PRSS16: variants seen among roughly 807,000 people sequenced by gnomAD.
The protein encoded by PRSS16 is thymus-specific serine protease.
In PRSS16, 43 loss-of-function variants were observed where a neutral mutation model predicts 61.7. That is an observed-to-expected ratio of 0.70 (90% CI 0.55 to 0.90). The LOEUF (loss-of-function observed/expected upper bound fraction) is 0.90. PRSS16 is among the 40% of genes least tolerant of loss of function. PRSS16 has a pLI of 0.00. For synonymous variants in PRSS16, 273 were observed against 285.2 expected (o/e 0.96, Z 0.43); for missense variants, 591 against 659.1 (o/e 0.90, Z 1.13).
intron 9 of PRSS16, chr6:27,253,427 T>C (rs1332016696): frequency 2.4e-6 from 1 of 416,492 alleles, no homozygotes; most frequent in Non-Finnish European, 4.7e-6. Flanking sequence ...GCCGCTTCTC[T>C]GGTCTCATGG....
Position 27,256,248 on chromosome 6 carries a change from A to G in PRSS16, c.*933A>G, listed in dbSNP as rs1408495761. On this transcript the variant is annotated 3_prime_UTR_variant, in exon 12 of 12. Transcript: ENST00000230582. ...TCACTCACCATCTTTTCCCACAATC[A>G]AATATCACTCCCTGGTACTTCCAGC... 6.5e-6 allele frequency: 1 copy of G among 152,672 alleles called. No homozygotes were observed. Among genetic ancestry groups the G allele is most frequent in the African/African-American group, 2.4e-5 (1 of 41,424 alleles). The allele number at this position is 152,672 out of a possible 1,614,324, so 9.5% of individuals were successfully genotyped here. A position where few individuals can be genotyped will look rare whatever the true frequency, so the allele number is the denominator to read the frequency against.
chr6:27,251,870 A>C lies in PRSS16; in HGVS notation c.838A>C (p.Asn280His), dbSNP rs1388992959. Residue 280 changes from asparagine (N) to histidine (H), a missense_variant, in exon 8 of 12, where the codon AAC becomes CAC. Physicochemically the swap from Asn to His is moderately conservative, Grantham distance 68. Coordinates refer to ENST00000230582, the MANE Select transcript of PRSS16 (RefSeq NM_005865.4). This position sits in a 1 kb window ranked among gnomAD's most constrained non-coding sequence, Gnocchi z 5.6. The part of the protein sequence containing the change: ...SACGPLGRAE[N>H]QAELLGALQA... ...TTGCGGGCCCCTGGGCCGCGCTGAA[A>C]ACCAGGCGGAGCTGTTGGGGGCGCT... is the stretch of plus-strand genomic sequence containing the variant. The C allele has an allele frequency of 6.2e-7, 1 of 1,613,240 alleles. No homozygotes were observed. The highest frequency in any genetic ancestry group is 8.5e-7 in the Non-Finnish European group (1 of 1,179,788).
At position 27,253,163 on chromosome 6, in the gene PRSS16, C is replaced by G. The variant is rs1759955860; in HGVS notation, c.1150+214C>G. ...CCTCACGCACACACTGAGGTCTCCACTTGAGTGATCTTCCCTTCAGCCTAT... is the reference window on the plus strand; with the variant it reads ...CCTCACGCACACACTGAGGTCTCCAGTTGAGTGATCTTCCCTTCAGCCTAT... On this transcript the variant is annotated intron_variant, in intron 9 of 11. Transcript: ENST00000230582. 5.2e-6 allele frequency: 3 copies of G among 578,614 alleles called. No homozygotes were observed. In the South Asian group the frequency reaches 6.3e-5, roughly 12 times the overall value. The allele number at this position is 578,614 out of a possible 1,614,324, so 35.8% of individuals were successfully genotyped here. A position where few individuals can be genotyped will look rare whatever the true frequency, so the allele number is the denominator to read the frequency against.
chr6:27,253,313 T>C, intron 9 of PRSS16: 1 of 335,386 alleles, frequency 3.0e-6, no homozygotes, highest in South Asian at 2.6e-5. Flanking sequence ...TGAGTCCTCC[T>C]CACTCTGCAT....
At position 27,251,279 on chromosome 6, in the gene PRSS16, C is replaced by T. The variant is rs1759885945; in HGVS notation, c.717+15C>T. On this transcript the variant is annotated intron_variant, in intron 7 of 11. Transcript: ENST00000230582. This position sits in a 1 kb window ranked among gnomAD's most constrained non-coding sequence, Gnocchi z 5.6. The stretch of plus-strand genomic sequence containing the variant: ...GGTCCCTGGAGGTAGGAGGTGGGGC[C>T]TAGTCCGAGGGGGACTGGGAGGGAA... 1 of 1,597,156 alleles carries T rather than the reference C, an allele frequency of 6.3e-7. No homozygotes were observed. The highest frequency in any genetic ancestry group is 8.5e-7 in the Non-Finnish European group (1 of 1,171,790).
chr6:27,248,063 CG>C lies in PRSS16; in HGVS notation c.237+19del. The C allele has an allele frequency of 6.2e-7, 1 of 1,609,462 alleles. No individual in the cohort carries two copies. Among genetic ancestry groups the C allele is most frequent in the Non-Finnish European group, 8.5e-7 (1 of 1,178,006 alleles). On this transcript the variant is annotated intron_variant, in intron 2 of 11. Transcript: ENST00000230582. ...CCTTCCTACAGGTGAGGCCGGGAGA[CG>C]GGGAGTCCACTAACCATCCTGCCCT...
intron 9 of PRSS16, chr6:27,253,238 A>G (rs1759957460): frequency 2.3e-6 from 1 of 441,894 alleles, no homozygotes; most frequent in Admixed American, 3.5e-5. Flanking sequence ...CCCATCCACC[A>G]GACTAGAAAC....
At chr6:27,253,302 C>T (rs1759958650) in intron 9 of PRSS16, 1 of 335,968 alleles carries the variant, frequency 3.0e-6, no homozygotes, top group Non-Finnish European at 5.9e-6. Flanking sequence ...CTGTCAATTA[C>T]TGAGTCCTCC....
chr6:27,249,006 T>A, intron 3 of PRSS16, 60 bp downstream of exon 3: 2 of 1,534,080 alleles, frequency 1.3e-6, no homozygotes, highest in African/African-American at 2.7e-5. Flanking sequence ...GAAGGGGAGC[T>A]GCATATTGCA....
intron 4 of PRSS16, among the ~76,000 whole-genome samples, chr6:27,250,253 A>G (rs186077203): frequency 3.9e-5 from 6 of 152,342 alleles, no homozygotes; most frequent in Middle Eastern, 3.4e-3. Flanking sequence ...TGTTAGACAT[A>G]TCCAAACTTC....
chr6:27,254,316 CAT>C, intron 9 of PRSS16: 1 of 183,638 alleles, frequency 5.4e-6, no homozygotes, highest in Non-Finnish European at 1.1e-5. Flanking sequence ...GCAGGGCAGA[CAT>C]AATACAATTT....
chr6:27,250,836 G>A (rs1759869375), intron 5 of PRSS16, 30 bp downstream of exon 5: 1 of 1,588,320 alleles, frequency 6.3e-7, no homozygotes, highest in East Asian at 2.2e-5. Flanking sequence ...TGGGCTGGGG[G>A]GAGGGAACTC....
At chr6:27,250,840 G>A in intron 5 of PRSS16, 34 bp downstream of exon 5, 1 of 1,584,896 alleles carries the variant, frequency 6.3e-7, no homozygotes, top group Non-Finnish European at 8.6e-7. Flanking sequence ...CTGGGGGGAG[G>A]GAACTCGGAC....
intron 4 of PRSS16, among the ~76,000 whole-genome samples, chr6:27,249,849 C>G (rs1759834983): frequency 1.3e-5 from 2 of 152,182 alleles, no homozygotes; most frequent in Non-Finnish European, 2.9e-5. Flanking sequence ...AGCCTTTGAA[C>G]TCATCCCTCT....
At position 27,252,031 on chromosome 6, in the gene PRSS16, G is replaced by A. The variant is rs1759924687; in HGVS notation, c.999G>A (p.Arg333=). The A allele has an allele frequency of 6.5e-7, 1 of 1,536,160 alleles. No homozygotes were observed. The highest frequency in any genetic ancestry group is 8.7e-7 in the Non-Finnish European group (1 of 1,145,260). ...SHSTPYCGLR[R]AVQIVLHSLG... ...CCACGCCCTACTGCGGGCTTCGTCG[G>A]GCGGTGCAGGTGAGCACTCCCTGGC... Residue 333 remains arginine, a synonymous_variant, in exon 8 of 12, where the codon CGG becomes CGA. Transcript: ENST00000230582. This position sits in a 1 kb window ranked among gnomAD's most constrained non-coding sequence, Gnocchi z 4.2.
rs1760013955 is a variant in PRSS16 at position 27,255,613 on chromosome 6, A to G, written c.*298A>G. 6.8e-6 allele frequency: 2 copies of G among 293,602 alleles called. No individual in the cohort carries two copies. Among genetic ancestry groups the G allele is most frequent in the South Asian group, 7.6e-5 (2 of 26,406 alleles). The allele number at this position is 293,602 out of a possible 1,614,324, so 18.2% of individuals were successfully genotyped here. On this transcript the variant is annotated 3_prime_UTR_variant, in exon 12 of 12. Transcript: ENST00000230582. The surrounding 1 kb of genome is among the most constrained non-coding windows in gnomAD (Gnocchi z 4.4). ...CTGGTGCCCTCGCCCTGCTGATCAG[A>G]TTCTGGTTCAAATTCTGCCACTCCA... is the stretch of plus-strand genomic sequence containing the variant.
chr6:27,254,795 T>G lies in PRSS16; in HGVS notation c.1253T>G (p.Val418Gly). 6.2e-7 allele frequency: 1 copy of G among 1,614,186 alleles called. No individual in the cohort carries two copies. The highest frequency in any genetic ancestry group is 1.1e-5 in the South Asian group (1 of 91,086). ...EQVFGLSALS[V>G]AQAVAQTNSY... ...GTGTTTGGGCTCTCAGCCTTGTCAG[T>G]AGCCCAGGCTGTGGCTCAGACGAAC... The change falls in exon 10 of 12, where the codon GTA (valine) becomes GGA (glycine). Residue 418 changes from valine to glycine, a missense_variant. Val to Gly is a moderately radical substitution (Grantham distance 109, BLOSUM62 -3). Coordinates refer to ENST00000230582, the MANE Select transcript of PRSS16 (RefSeq NM_005865.4).
chr6:27,250,473 C>G (rs1285618922), intron 4 of PRSS16, among the ~76,000 whole-genome samples: 1 of 152,122 alleles, frequency 6.6e-6, no homozygotes, highest in African/African-American at 2.4e-5. Flanking sequence ...AGAAAGTGGA[C>G]GAGGACAGGG....
Position 27,251,801 on chromosome 6 carries a change from T to C in PRSS16, c.769T>C (p.Ser257Pro), listed in dbSNP as rs1381763692. 6.2e-7 allele frequency: 1 copy of C among 1,608,928 alleles called. No homozygotes were observed. Among genetic ancestry groups the C allele is most frequent in the Non-Finnish European group, 8.5e-7 (1 of 1,179,042 alleles). The change falls in exon 8 of 12, where the codon TCG becomes CCG. Residue 257 changes from serine (S) to proline (P), a missense_variant. Ser to Pro is a moderately conservative substitution (Grantham distance 74). Coordinates refer to ENST00000230582, the MANE Select transcript of PRSS16 (RefSeq NM_005865.4). The surrounding 1 kb of genome is among the most constrained non-coding windows in gnomAD (Gnocchi z 5.6). ...CGCTGAAGTGGAGCGGCGGCTGCGC[T>C]CGGGTGGGGCGGCTCAAGCAGCATT... ...AFAEVERRLR[S>P]GGAAQAALRT...
Sources: gnomAD v4.1 joint callset for allele counts (sites outside exome capture counted in the v4.1 genomes callset) on GRCh38, gnomAD v4.1.1 for gene constraint, Gnocchi (gnomAD v3.1) non-coding constraint, MANE v1.5 for transcripts, NCBI Gene and HGNC (gene_info 2026-07-23, HGNC 2026-07-21) for gene names.